Variants in RBFOX1 observed in about 807,000 individuals in gnomAD.
The protein encoded by RBFOX1 is RNA binding protein fox-1 homolog 1.
RBFOX1 carries 8 observed loss-of-function variants against 57.7 expected under a neutral mutation model. That is an observed-to-expected ratio of 0.14 (90% CI 0.08 to 0.25). The LOEUF (loss-of-function observed/expected upper bound fraction) is 0.25, where lower values mean the gene tolerates loss of function less well. Ranked by LOEUF, RBFOX1 falls within the 10% of genes least tolerant of loss-of-function variation. The pLI is 1.00. For missense variants in RBFOX1, 611 were observed against 548.5 expected, an observed-to-expected ratio of 1.11 and a Z score of -1.14; for synonymous variants, 326 against 222.4, an observed-to-expected ratio of 1.47 and a Z score of -4.15.
At chr16:5,822,509 ATAAG>A (rs2055892100) in intron 3 of RBFOX1, among the ~76,000 whole-genome samples, 1 of 151,518 alleles carries the variant, frequency 6.6e-6, no homozygotes, top group African/African-American at 2.4e-5. Context: ...ATAGTAATAA[ATAAG>A]TTCTGGAGAT....
chr16:5,704,520 T>G (rs577330654), intron 3 of RBFOX1, among the ~76,000 whole-genome samples: 1 of 152,186 alleles, frequency 6.6e-6, no homozygotes, highest in Non-Finnish European at 1.5e-5. Flanking sequence ...TAATAAAGAT[T>G]GGTGCATGTA....
chr16:7,211,795 T>C (rs1461411692), intron 4 of RBFOX1, among the ~76,000 whole-genome samples: 1 of 152,174 alleles, frequency 6.6e-6, no homozygotes, highest in Non-Finnish European at 1.5e-5. Context: ...TAGGTTGCTA[T>C]GAGCTTTCAC....
chr16:6,963,234 G>C (rs2075770460), intron 3 of RBFOX1, among the ~76,000 whole-genome samples: 1 of 152,022 alleles, frequency 6.6e-6, no homozygotes. Context: ...AGCATCAAAA[G>C]CAGCATTTGT....
chr16:6,820,874 C>T (rs2091173612), intron 3 of RBFOX1, among the ~76,000 whole-genome samples: 2 of 152,146 alleles, frequency 1.3e-5, no homozygotes, highest in Non-Finnish European at 2.9e-5. Flanking sequence ...CATAGTGTTG[C>T]TGTTTTTCAT....
chr16:5,418,521 G>A (rs781422401), intron 1 of RBFOX1, among the ~76,000 whole-genome samples: 2 of 152,148 alleles, frequency 1.3e-5, no homozygotes, highest in Non-Finnish European at 2.9e-5. Flanking sequence ...ATTTCTTTCG[G>A]TGTAGACAGA....
intron 3 of RBFOX1, among the ~76,000 whole-genome samples, chr16:6,770,223 G>T (rs1266488599): frequency 1.3e-5 from 2 of 151,890 alleles, no homozygotes; most frequent in African/African-American, 4.8e-5. Flanking sequence ...GAATTTTTTG[G>T]GTTATCATCA....
intron 3 of RBFOX1, among the ~76,000 whole-genome samples, chr16:7,007,799 C>T (rs1173749850): frequency 1.3e-5 from 2 of 152,138 alleles, no homozygotes. Flanking sequence ...AGGCTGCTGC[C>T]ATTGAAGCCT....
intron 3 of RBFOX1, among the ~76,000 whole-genome samples, chr16:6,698,270 A>G (rs1305388472): frequency 1.3e-5 from 2 of 152,202 alleles, no homozygotes; most frequent in African/African-American, 2.4e-5. Context: ...CACAGAAGAT[A>G]TGGGGGGTAA....
In RBFOX1 at chr16:5,780,707, C is replaced by G. The variant is rs541283586; in HGVS notation, c.319-86596C>G. On this transcript the variant is annotated intron_variant, in intron 3 of 19. Coordinates refer to the RBFOX1 transcript ENST00000641259. ...TCTGACATATGCTCAAAAGGCCACT[C>G]AGCTTCTGAAATTCCACCGTTAAGT... 2.0e-5 allele frequency among the ~76,000 whole-genome samples: 3 copies of G among 152,310 alleles called. No homozygotes were observed. The South Asian group carries it at 6.2e-4, about 32-fold the overall frequency.
At chr16:6,525,435 A>G (rs991079271) in intron 2 of RBFOX1, among the ~76,000 whole-genome samples, 2 of 152,238 alleles carry the variant, frequency 1.3e-5, no homozygotes, top group African/African-American at 4.8e-5. Context: ...AAGTGATGCT[A>G]TAAGGTATCT....
At chr16:7,285,390 G>GT (rs1293235723) in intron 4 of RBFOX1, among the ~76,000 whole-genome samples, 2 of 151,910 alleles carry the variant, frequency 1.3e-5, no homozygotes, top group Non-Finnish European at 2.9e-5. Flanking sequence ...GTGTGTGTGT[G>GT]TGTGTGTGTG....
intron 4 of RBFOX1, among the ~76,000 whole-genome samples, chr16:7,141,465 A>G (rs1315805117): frequency 6.6e-6 from 1 of 152,160 alleles, no homozygotes; most frequent in Non-Finnish European, 1.5e-5. Context: ...TCTAAGGGGA[A>G]AATGCGCAGC....
intron 1 of RBFOX1, among the ~76,000 whole-genome samples, chr16:6,305,815 G>A (rs866271659): frequency 6.6e-6 from 1 of 151,878 alleles, no homozygotes; most frequent in African/African-American, 2.4e-5. Flanking sequence ...GCACCAAGTG[G>A]GTATGACTTC....
intron 4 of RBFOX1, among the ~76,000 whole-genome samples, chr16:7,424,868 G>C (rs896370513): frequency 2.0e-5 from 3 of 152,052 alleles, no homozygotes; most frequent in East Asian, 1.9e-4. Context: ...GTGTTATTTT[G>C]ACTGAATGAC....
intron 4 of RBFOX1, among the ~76,000 whole-genome samples, chr16:7,293,806 C>T (rs1384539588): frequency 6.6e-6 from 1 of 152,086 alleles, no homozygotes; most frequent in Non-Finnish European, 1.5e-5. Context: ...TCCTAGCTCA[C>T]CTCCAACAAT....
intron 1 of RBFOX1, among the ~76,000 whole-genome samples, chr16:6,313,141 C>T (rs1023626805): frequency 4.6e-5 from 7 of 152,002 alleles, no homozygotes. Context: ...AAAGTGTGGT[C>T]CAGAATGGGA....
intron 4 of RBFOX1, among the ~76,000 whole-genome samples, chr16:7,459,213 G>T (rs1336582429): frequency 6.6e-6 from 1 of 152,078 alleles, no homozygotes; most frequent in Non-Finnish European, 1.5e-5. Flanking sequence ...TTTGGCCTTG[G>T]GTTTTAACAT....
At chr16:5,271,756 T>G (rs1031986183) in intron 1 of RBFOX1, among the ~76,000 whole-genome samples, 2 of 152,188 alleles carry the variant, frequency 1.3e-5, no homozygotes, top group African/African-American at 2.4e-5. Context: ...CCCCTACCTT[T>G]CCTGCGCCCC....
rs138256581 is a variant in RBFOX1, at chr16:7,341,397, G to A, written c.28-176750G>A. 3.7e-4 allele frequency among the ~76,000 whole-genome samples: 56 copies of A among 152,230 alleles called. 1 individual carries two copies. Among genetic ancestry groups the A allele is most frequent in the African/African-American group, 9.1e-4 (38 of 41,540 alleles). ...TAATGATTTATCAATCATAGATTTC[G>A]TGACTGTTGTCTTGCAAGCTCTGGA... On this transcript the variant is annotated intron_variant, in intron 4 of 15. Coordinates refer to ENST00000550418, the MANE Select transcript of RBFOX1 (RefSeq NM_018723.4).
Sources: gnomAD v4.1 joint callset for allele counts (sites outside exome capture counted in the v4.1 genomes callset) on GRCh38, gnomAD v4.1.1 for gene constraint, MANE v1.5 for transcripts, NCBI Gene and HGNC (gene_info 2026-07-23, HGNC 2026-07-21) for gene names.